The following HMGXB4 variants were observed in gnomAD, a reference collection of about 807,000 sequenced individuals.
HMGXB4 encodes the protein HMG domain-containing protein 4.
In HMGXB4, 27 loss-of-function variants were observed where a neutral mutation model predicts 63.9. That is an observed-to-expected ratio of 0.42 (90% CI 0.31 to 0.58). The LOEUF (loss-of-function observed/expected upper bound fraction) is 0.58. HMGXB4 is among the 20% of genes least tolerant of loss of function. HMGXB4 has a pLI of 0.13. For synonymous variants in HMGXB4, 264 were observed against 265.3 expected, an observed-to-expected ratio of 0.99 and a Z score of 0.05; for missense variants, 624 against 700.7, an observed-to-expected ratio of 0.89 and a Z score of 1.24.
rs540985563 is a variant in HMGXB4, at chr22:35,264,648, A to G, written c.260A>G (p.Asp87Gly). ...CAGTACTTCTCTTGATTATTTCTAGATATTTCGTCTTTGGAATCGTCACAG... is the reference window on the plus strand; with the variant it reads ...CAGTACTTCTCTTGATTATTTCTAGGTATTTCGTCTTTGGAATCGTCACAG... Reference protein sequence around the residue: ...KHSSDDYYYGDISSLESSQKK... With the variant: ...KHSSDDYYYGGISSLESSQKK... The change falls in exon 5 of 11, where the codon GAT becomes GGT. Residue 87 changes from aspartate to glycine, a missense_variant and splice_region_variant. Coordinates refer to ENST00000216106, the MANE Select transcript of HMGXB4 (RefSeq NM_001003681.3). 6 of 1,556,738 alleles carry G rather than the reference A, an allele frequency of 3.9e-6. No individual in the cohort carries two copies. The South Asian group carries it at 6.1e-5, about 16-fold the overall frequency.
chr22:35,274,570 A>G (rs1354908778), intron 5 of HMGXB4, among the ~76,000 whole-genome samples: 2 of 152,228 alleles, frequency 1.3e-5, no homozygotes, highest in African/African-American at 4.8e-5. Context: ...AGGTGTTGTC[A>G]TCTCAGTTTC....
In HMGXB4 at chr22:35,271,348, C is replaced by T. The variant is rs188406728; in HGVS notation, c.1215+5745C>T. On this transcript the variant is annotated intron_variant, in intron 5 of 10. Coordinates refer to ENST00000216106, the MANE Select transcript of HMGXB4 (RefSeq NM_001003681.3). ...ACTGGAGAAACTACTGGTAGAAATG[C>T]CAAAGGCCTCTGTGCACCCCTTCTA... Among the ~76,000 whole-genome samples, 39 of 152,248 alleles carry T rather than the reference C, an allele frequency of 2.6e-4. No homozygotes were observed. In the East Asian group the frequency reaches 7.3e-3, roughly 29 times the overall value.
At chr22:35,253,343 T>C (rs533152378), upstream of HMGXB4, among the ~76,000 whole-genome samples, 7 of 152,280 alleles carry the variant, frequency 4.6e-5, no homozygotes, top group African/African-American at 1.4e-4. Flanking sequence ...ATAGTAATTA[T>C]GGACTTAGAC....
intron 1 of HMGXB4, among the ~76,000 whole-genome samples, chr22:35,260,698 T>G (rs1197405105): frequency 2.6e-5 from 4 of 152,250 alleles, no homozygotes; most frequent in Non-Finnish European, 4.4e-5. Context: ...CATTCTTTAT[T>G]TCACTTCTCA....
chr22:35,285,149 T>C (rs1924488283), intron 6 of HMGXB4, among the ~76,000 whole-genome samples: 1 of 152,232 alleles, frequency 6.6e-6, no homozygotes, highest in Non-Finnish European at 1.5e-5. Flanking sequence ...CTCATGCCTA[T>C]AATCTCAGCA....
At chr22:35,286,284 T>C (rs1924571668) in intron 7 of HMGXB4, among the ~76,000 whole-genome samples, 1 of 152,200 alleles carries the variant, frequency 6.6e-6, no homozygotes, top group South Asian at 2.1e-4. Flanking sequence ...GTCTGTTTTT[T>C]CCAGCAGTGT....
intron 2 of HMGXB4, chr22:35,262,796 G>C (rs2146399785): frequency 5.8e-6 from 3 of 520,916 alleles, no homozygotes; most frequent in Middle Eastern, 5.2e-4. Context: ...GCAAGTCTGT[G>C]TCCTCCTACC....
intron 5 of HMGXB4, among the ~76,000 whole-genome samples, chr22:35,273,176 G>A (rs1923713865): frequency 6.6e-6 from 1 of 152,118 alleles, no homozygotes. Context: ...AACAATAAAT[G>A]GTAGAAATTA....
In HMGXB4 at chr22:35,265,306, G is replaced by A; in HGVS notation, c.918G>A (p.Glu306=). ...SSSGGELEAG[E]LVIDDSYREI... is the part of the protein sequence containing the mutation. ...CTGGTGGGGAACTAGAGGCTGGGGAGTTAGTGATAGATGATTCTTACCGAG... is the reference window on the plus strand; with the variant it reads ...CTGGTGGGGAACTAGAGGCTGGGGAATTAGTGATAGATGATTCTTACCGAG... Residue 306 remains glutamate, a synonymous_variant, in exon 5 of 11, where the codon GAG becomes GAA. Transcript: ENST00000216106. 1 of 1,613,954 alleles carries A rather than the reference G, an allele frequency of 6.2e-7. No individual in the cohort carries two copies. Among genetic ancestry groups the A allele is most frequent in the Admixed American group, 1.7e-5 (1 of 60,014 alleles).
intron 7 of HMGXB4, 108 bp from the exon 8 acceptor site, chr22:35,287,239 G>A (rs1924644883): frequency 7.3e-6 from 6 of 819,738 alleles, no homozygotes; most frequent in Non-Finnish European, 1.2e-5. Flanking sequence ...CTGTCTGCCC[G>A]CCTCTTACTA....
At chr22:35,245,131 C>T in the HMGXB4 span, among the ~76,000 whole-genome samples, 1 of 152,096 alleles carries the variant, frequency 6.6e-6, no homozygotes, top group Non-Finnish European at 1.5e-5. Context: ...CTTGGCCTCC[C>T]AAAATGCGGG....
At position 35,265,942 on chromosome 22, in the gene HMGXB4, A is replaced by ATTT. The variant is rs369153687; in HGVS notation, c.1215+355_1215+357dup. Among the ~76,000 whole-genome samples the ATTT allele has an allele frequency of 3.7e-3, 500 of 135,756 alleles. 4 individuals are homozygous for ATTT. The highest frequency in any genetic ancestry group is 0.012 in the African/African-American group (458 of 36,794). The allele number at this position is 135,756 out of a possible 152,430, so 89.1% of individuals were successfully genotyped here. On this transcript the variant is annotated intron_variant, in intron 5 of 10. Coordinates refer to ENST00000216106, the MANE Select transcript of HMGXB4 (RefSeq NM_001003681.3). Reference sequence around the variant, plus strand: ...AGGCACCCGCCACCACACCCGACTAATTTTTTTTTTTTTTTTTTGTATTTT... The same window carrying ATTT: ...AGGCACCCGCCACCACACCCGACTAATTTTTTTTTTTTTTTTTTTTTGTATTTT...
At chr22:35,247,225 T>C in the HMGXB4 span, among the ~76,000 whole-genome samples, 2 of 152,224 alleles carry the variant, frequency 1.3e-5, no homozygotes, top group African/African-American at 4.8e-5. Context: ...GTTTGATGCT[T>C]TCAAGGTTTG....
Position 35,288,284 on chromosome 22 carries a change from C to T in HMGXB4, c.1515C>T (p.Thr505=). The T allele has an allele frequency of 6.2e-7, 1 of 1,608,042 alleles. No individual in the cohort carries two copies. Among genetic ancestry groups the T allele is most frequent in the Non-Finnish European group, 8.5e-7 (1 of 1,176,688 alleles). ...VLSPQKKSPP[T]TMLLPASPAK... Reference sequence around the variant, plus strand: ...CACCCCAGAAGAAGTCCCCACCCACCACCATGCTGTTACCAGCCTCACCAG... The same window carrying T: ...CACCCCAGAAGAAGTCCCCACCCACTACCATGCTGTTACCAGCCTCACCAG... Residue 505 remains threonine, a synonymous_variant, in exon 9 of 11, where the codon ACC becomes ACT. Transcript: ENST00000216106.
chr22:35,284,914 A>G (rs1217905603), intron 6 of HMGXB4, among the ~76,000 whole-genome samples: 1 of 152,230 alleles, frequency 6.6e-6, no homozygotes, highest in Non-Finnish European at 1.5e-5. Flanking sequence ...ACACATGAAT[A>G]TGCTTTATAA....
Position 35,288,393 on chromosome 22 carries a change from C to T in HMGXB4, c.1624C>T (p.Leu542=), listed in dbSNP as rs1339276943. Residue 542 remains leucine, a synonymous_variant, in exon 9 of 11, where the codon CTG becomes TTG. Coordinates refer to ENST00000216106, the MANE Select transcript of HMGXB4 (RefSeq NM_001003681.3). The stretch of plus-strand genomic sequence containing the variant: ...GTCCCTAAGCCTCATTGGACACCGT[C>T]TGCAGGAAACTGAGGTGAATACAAC... ...GESLSLIGHR[L]QETEGMVAVS... 135 of 1,597,708 alleles carry T rather than the reference C, an allele frequency of 8.4e-5. No individual in the cohort carries two copies. The highest frequency in any genetic ancestry group is 1.1e-4 in the Non-Finnish European group (130 of 1,171,278).
At chr22:35,279,767 C>G (rs1014642979) in intron 5 of HMGXB4, among the ~76,000 whole-genome samples, 1 of 126,652 alleles carries the variant, frequency 7.9e-6, no homozygotes, top group Non-Finnish European at 1.6e-5. Context: ...ATTGTATTGT[C>G]CTTGCTCCTT....
Position 35,294,600 on chromosome 22 carries a change from C to G in HMGXB4, c.*949C>G, listed in dbSNP as rs938618619. On this transcript the variant is annotated 3_prime_UTR_variant, in exon 11 of 11. Coordinates refer to ENST00000216106, the MANE Select transcript of HMGXB4 (RefSeq NM_001003681.3). ...TCCACATGTAAGTGAATTGCAAAAACAAAACAAAACTCACTCTCTTGTAGG... is the reference window on the plus strand; with the variant it reads ...TCCACATGTAAGTGAATTGCAAAAAGAAAACAAAACTCACTCTCTTGTAGG... 2 of 152,548 alleles carry G rather than the reference C, an allele frequency of 1.3e-5. No homozygotes were observed. The highest frequency in any genetic ancestry group is 2.9e-5 in the Non-Finnish European group (2 of 68,022). 9.4% of individuals were successfully genotyped at this position (152,548 alleles called of 1,614,324 possible). A position where few individuals can be genotyped will look rare whatever the true frequency, so the allele number is the denominator to read the frequency against.
chr22:35,250,842 G>GTAGGTAGC, the HMGXB4 span, among the ~76,000 whole-genome samples: 1 of 152,072 alleles, frequency 6.6e-6, no homozygotes, highest in Admixed American at 6.5e-5. Flanking sequence ...TACCCACATG[G>GTAGGTAGC]CTTGGGGCAG....
Sources: allele counts gnomAD v4.1 joint callset (sites outside exome capture counted in the v4.1 genomes callset), GRCh38; gene constraint gnomAD v4.1.1; transcripts MANE v1.5; gene names NCBI Gene and HGNC (gene_info 2026-07-23, HGNC 2026-07-21).